PBDC1: variants seen among roughly 807,000 people sequenced by gnomAD.
PBDC1 encodes polysaccharide biosynthesis domain containing 1.
A neutral mutation model predicts 12.0 loss-of-function variants in PBDC1; 3 were observed. The observed-to-expected ratio is 0.25, with a 90% confidence interval of 0.11 to 0.64. The LOEUF (loss-of-function observed/expected upper bound fraction) is 0.64. Ranked by LOEUF, PBDC1 falls within the 30% of genes least tolerant of loss-of-function variation. PBDC1 has a pLI of 0.84. For synonymous variants in PBDC1, 64 were observed against 56.4 expected, an observed-to-expected ratio of 1.13 and a Z score of -0.60; for missense variants, 162 against 168.1, an observed-to-expected ratio of 0.96 and a Z score of 0.20.
At chrX:76,174,372 G>A (rs1924735345) in intron 2 of PBDC1, among the ~76,000 whole-genome samples, 2 of 111,975 alleles carry the variant, frequency 1.8e-5, no homozygotes, top group African/African-American at 6.5e-5. Flanking sequence ...AACCTCCAGT[G>A]GGGTGCTTGG....
At position 76,176,906 on chromosome X, in the gene PBDC1, T is replaced by C; in HGVS notation, c.323T>C (p.Phe108Ser). 1 of 1,205,767 alleles carries C rather than the reference T, an allele frequency of 8.3e-7. No homozygotes were observed. Among genetic ancestry groups the C allele is most frequent in the Non-Finnish European group, 1.1e-6 (1 of 890,881 alleles). ...AAGTGGAGGCCATTCTGCTTGAAGTTTAATGGGATTGTTGAAGACTTCAAC... is the reference window on the plus strand; with the variant it reads ...AAGTGGAGGCCATTCTGCTTGAAGTCTAATGGGATTGTTGAAGACTTCAAC... The part of the protein sequence containing the change: ...KEKWRPFCLK[F>S]NGIVEDFNYG... The change falls in exon 5 of 6, where the codon TTT (phenylalanine) becomes TCT (serine). Residue 108 changes from phenylalanine (F) to serine (S), a missense_variant. Coordinates refer to ENST00000373358, the MANE Select transcript of PBDC1 (RefSeq NM_016500.5).
intron 1 of PBDC1, 116 bp from the exon 2 acceptor site, chrX:76,173,469 C>T (rs112628457): frequency 0.14 from 74,274 of 516,550 alleles, 4,326 homozygotes; most frequent in African/African-American, 0.2. Context: ...GCGATCCGCC[C>T]GCCTCGGCCT....
rs782443980 is a variant in PBDC1 at position 76,177,029 on chromosome X, G to A, written c.409+37G>A. On this transcript the variant is annotated intron_variant, in intron 5 of 5. Coordinates refer to ENST00000373358, the MANE Select transcript of PBDC1 (RefSeq NM_016500.5). ...CCCTCTGGAATTGTTTCTGTGTAAG[G>A]AGACTGAACAGTCTGGCTTTACTGA... 7 of 936,983 alleles carry A rather than the reference G, an allele frequency of 7.5e-6. No individual in the cohort carries two copies. The East Asian group carries it at 1.9e-4, about 25-fold the overall frequency. 77.2% of individuals were successfully genotyped at this position (936,983 alleles called of 1,213,427 possible).
Position 76,178,109 on chromosome X carries a change from G to A in PBDC1, c.*201G>A. ...AACTGGTCTAAAGACTGTTAGTGGG[G>A]TGTTAGTTGATTTTTCCTGGTATAC... On this transcript the variant is annotated 3_prime_UTR_variant, in exon 6 of 6. Transcript: ENST00000373358. The A allele has an allele frequency of 8.0e-6, 5 of 626,416 alleles. No individual in the cohort carries two copies. Among genetic ancestry groups the A allele is most frequent in the South Asian group, 5.4e-5 (1 of 18,594 alleles). The allele number at this position is 626,416 out of a possible 1,213,427, so 51.6% of individuals were successfully genotyped here. A position where few individuals can be genotyped will look rare whatever the true frequency, so the allele number is the denominator to read the frequency against.
At chrX:76,176,657 A>G (rs782546715) in intron 4 of PBDC1, among the ~76,000 whole-genome samples, 1 of 112,223 alleles carries the variant, frequency 8.9e-6, no homozygotes, top group Non-Finnish European at 1.9e-5. Flanking sequence ...AAGGATTTAT[A>G]TATTTTTCAG....
At chrX:76,173,527 G>A in intron 1 of PBDC1, 58 bp from the exon 2 acceptor site, 1 of 942,055 alleles carries the variant, frequency 1.1e-6, no homozygotes, top group Non-Finnish European at 1.5e-6. Flanking sequence ...CTGGCCTTGG[G>A]GGGAGCCACC....
At position 76,174,923 on chromosome X, in the gene PBDC1, A is replaced by G. The variant is rs781814683; in HGVS notation, c.130A>G (p.Met44Val). ...TGAGATGGCTTGGGCCATGAGAGCA[A>G]TGCAGCATGCTGAAGTCTATTACAA... ...DIEMAWAMRA[M>V]QHAEVYYKLI... Residue 44 changes from methionine to valine, a missense_variant, in exon 3 of 6, where the codon ATG (methionine) becomes GTG (valine). Transcript: ENST00000373358. The G allele has an allele frequency of 6.6e-6, 8 of 1,204,622 alleles. No individual in the cohort carries two copies. The African/African-American group carries it at 1.4e-4, about 21-fold the overall frequency.
chrX:76,175,612 A>T lies in PBDC1; in HGVS notation c.296A>T (p.Glu99Val). 1 of 1,175,554 alleles carries T rather than the reference A, an allele frequency of 8.5e-7. No individual in the cohort carries two copies. The highest frequency in any genetic ancestry group is 1.1e-6 in the Non-Finnish European group (1 of 877,340). ...GAACTCAAGTCAGAATCAGCCAAAG[A>T]GGTAAAAATTCTCTTTCTTAAATAT... ...PEELKSESAK[E>V]KWRPFCLKFN... is the part of the protein sequence containing the mutation. Residue 99 changes from glutamate (E) to valine (V), a missense_variant and splice_region_variant, in exon 4 of 6, where the codon GAG (glutamate) becomes GTG (valine). Around this residue, in one of 3 missense-constraint regions of PBDC1, gnomAD observed 100 missense variants for 96.2 expected, o/e 1.04. Transcript: ENST00000373358.
intron 2 of PBDC1, among the ~76,000 whole-genome samples, chrX:76,174,415 T>C (rs1272168879): frequency 8.9e-6 from 1 of 112,208 alleles, no homozygotes; most frequent in Non-Finnish European, 1.9e-5. Flanking sequence ...CTGTTTCATG[T>C]GCTAATTCAT....
Position 76,173,174 on chromosome X carries a change from A to ACGCT in PBDC1, c.30+7_30+10dup, listed in dbSNP as rs1162574266. 40 of 1,170,158 alleles carry ACGCT rather than the reference A, an allele frequency of 3.4e-5. No individual in the cohort carries two copies. The Admixed American group carries it at 6.1e-4, about 18-fold the overall frequency. On this transcript the variant is annotated splice_region_variant and intron_variant, in intron 1 of 5. Coordinates refer to ENST00000373358, the MANE Select transcript of PBDC1 (RefSeq NM_016500.5). ...CCAGTGGAACTGATGAGCCGGTGAGACGCTGTTCTGGGGTCGGGTGAGTGG... is the reference window on the plus strand; with the variant it reads ...CCAGTGGAACTGATGAGCCGGTGAGACGCTCGCTGTTCTGGGGTCGGGTGAGTGG...
intron 1 of PBDC1, 68 bp from the exon 2 acceptor site, chrX:76,173,517 C>A: frequency 4.9e-6 from 4 of 822,885 alleles, no homozygotes; most frequent in Non-Finnish European, 6.9e-6. Flanking sequence ...GTCACTGCGA[C>A]TGGCCTTGGG....
chrX:76,177,170 A>G (rs1924814670), intron 5 of PBDC1, among the ~76,000 whole-genome samples, 178 bp downstream of exon 5: 1 of 110,715 alleles, frequency 9.0e-6, no homozygotes, highest in South Asian at 3.9e-4. Flanking sequence ...TTAATATGAG[A>G]TTGGAATTAA....
chrX:76,177,832 A>G lies in PBDC1; in HGVS notation c.626A>G (p.Asp209Gly), dbSNP rs1924829374. The change falls in exon 6 of 6, where the codon GAC (aspartate) becomes GGC (glycine). Residue 209 changes from aspartate (D) to glycine (G), a missense_variant. This residue lies in a region of PBDC1 where 100 missense variants were observed against 96.2 expected (regional missense o/e 1.04). Transcript: ENST00000373358. ...EEKEEGINREDKTDKGGEKGK... is the reference protein window; with the variant it reads ...EEKEEGINREGKTDKGGEKGK... ...AAAGAGGAAGGAATCAACAGAGAAG[A>G]CAAAACTGACAAAGGAGGAGAAAAA... The G allele has an allele frequency of 8.3e-7, 1 of 1,206,798 alleles. No individual in the cohort carries two copies. Among genetic ancestry groups the G allele is most frequent in the East Asian group, 3.0e-5 (1 of 33,645 alleles).
Position 76,176,882 on chromosome X carries a change from A to C in PBDC1, c.299A>C (p.Lys100Thr). 8.4e-7 allele frequency: 1 copy of C among 1,184,828 alleles called. No individual in the cohort carries two copies. The highest frequency in any genetic ancestry group is 1.1e-6 in the Non-Finnish European group (1 of 872,242). The stretch of plus-strand genomic sequence containing the variant: ...AAAGCATCGTTTTTGCCTTTATAGA[A>C]GTGGAGGCCATTCTGCTTGAAGTTT... ...EELKSESAKEKWRPFCLKFNG... is the reference protein window; with the variant it reads ...EELKSESAKETWRPFCLKFNG... Residue 100 changes from lysine (K) to threonine (T), a missense_variant and splice_region_variant, in exon 5 of 6, where the codon AAG becomes ACG. Transcript: ENST00000373358.
rs782742991 is a variant in PBDC1, at chrX:76,175,426, T to C, written c.157-47T>C. On this transcript the variant is annotated intron_variant, in intron 3 of 5. Coordinates refer to ENST00000373358, the MANE Select transcript of PBDC1 (RefSeq NM_016500.5). ...GGTGGGGATGGGGAAGATAGAAGTA[T>C]AGTAAATTACAGACTAGCATCTGTA... is the stretch of plus-strand genomic sequence containing the variant. The C allele has an allele frequency of 6.9e-6, 8 of 1,151,977 alleles. No homozygotes were observed. The South Asian group carries it at 1.1e-4, about 16-fold the overall frequency. The allele number at this position is 1,151,977 out of a possible 1,213,427, so 94.9% of individuals were successfully genotyped here. A position where few individuals can be genotyped will look rare whatever the true frequency, so the allele number is the denominator to read the frequency against.
In PBDC1 at chrX:76,174,884, T is replaced by A; in HGVS notation, c.97-6T>A. 8.3e-7 allele frequency: 1 copy of A among 1,205,520 alleles called. No individual in the cohort carries two copies. Among genetic ancestry groups the A allele is most frequent in the Non-Finnish European group, 1.1e-6 (1 of 889,474 alleles). ...TTATGACCTGGCATTCTTCACTCCT[T>A]TGCAGCCTGACATTGAGATGGCTTG... On this transcript the variant is annotated splice_region_variant and splice_polypyrimidine_tract_variant and intron_variant, in intron 2 of 5. Coordinates refer to ENST00000373358, the MANE Select transcript of PBDC1 (RefSeq NM_016500.5).
In PBDC1 at chrX:76,177,819, A is replaced by G. The variant is rs782276032; in HGVS notation, c.613A>G (p.Ile205Val). The change falls in exon 6 of 6, where the codon ATC (isoleucine) becomes GTC (valine). Residue 205 changes from isoleucine (I) to valine (V), a missense_variant. Around this residue, in one of 3 missense-constraint regions of PBDC1, gnomAD observed 100 missense variants for 96.2 expected, o/e 1.04. Transcript: ENST00000373358. ...TAGTGGAGAAGAAAAAGAGGAAGGA[A>G]TCAACAGAGAAGACAAAACTGACAA... ...ADSGEEKEEG[I>V]NREDKTDKGG... 1.2e-5 allele frequency: 15 copies of G among 1,202,223 alleles called. No homozygotes were observed. Among genetic ancestry groups the G allele is most frequent in the Non-Finnish European group, 1.7e-5 (15 of 891,648 alleles).
At position 76,176,518 on chromosome X, in the gene PBDC1, T is replaced by G. The variant is rs781967217; in HGVS notation, c.298-363T>G. ...ATCTTTGTCTTTGGAAAACTGTCAC[T>G]ACTGAATGGACTTCTTTATTAAAAT... On this transcript the variant is annotated intron_variant, in intron 4 of 5. Transcript: ENST00000373358. 2.3e-3 allele frequency among the ~76,000 whole-genome samples: 257 copies of G among 112,324 alleles called. 1 individual carries two copies. The highest frequency in any genetic ancestry group is 7.9e-3 in the African/African-American group (244 of 30,934).
rs782591890 is a variant in PBDC1 at position 76,177,966 on chromosome X, G to C, written c.*58G>C. 30 of 1,193,255 alleles carry C rather than the reference G, an allele frequency of 2.5e-5. No individual in the cohort carries two copies. Among genetic ancestry groups the C allele is most frequent in the Non-Finnish European group, 3.2e-5 (28 of 888,058 alleles). ...ACTCAATTGAGACTACAAGTACCAC[G>C]GTGCTACTTGCACAGACCCCTTTGG... is the stretch of plus-strand genomic sequence containing the variant. On this transcript the variant is annotated 3_prime_UTR_variant, in exon 6 of 6. Coordinates refer to ENST00000373358, the MANE Select transcript of PBDC1 (RefSeq NM_016500.5).
Sources: gnomAD v4.1 joint callset for allele counts (sites outside exome capture counted in the v4.1 genomes callset) on GRCh38, gnomAD v4.1.1 for gene constraint, gnomAD v4.1.1 regional missense constraint, MANE v1.5 for transcripts, NCBI Gene and HGNC (gene_info 2026-07-23, HGNC 2026-07-21) for gene names.